The following LRRC28 variants were observed in gnomAD, a reference collection of about 807,000 sequenced individuals.
The protein encoded by LRRC28 is leucine-rich repeat-containing protein 28.
In LRRC28, 39 loss-of-function variants were observed where a neutral mutation model predicts 45.7. The ratio of observed to expected loss-of-function variants is 0.85; its 90% CI spans 0.66 to 1.12. The LOEUF is 1.12. LRRC28 is among the 50% of genes most tolerant of loss of function. The probability of loss-of-function intolerance (pLI) is 0.00; values close to 1 mark genes in which losing one functional copy is unlikely to be tolerated. For missense variants in LRRC28, 435 were observed against 438.5 expected (o/e 0.99, Z 0.07); for synonymous variants, 206 against 178.8 (o/e 1.15, Z -1.22).
chr15:99,269,197 A>G (rs1257710239), intron 2 of LRRC28, among the ~76,000 whole-genome samples: 1 of 152,192 alleles, frequency 6.6e-6, no homozygotes, highest in Non-Finnish European at 1.5e-5. Context: ...AAATATTTTC[A>G]TTTACATTTC....
intron 3 of LRRC28, among the ~76,000 whole-genome samples, chr15:99,282,191 T>TTTTTTTTTTTTTTG (rs1327794715): frequency 5.8e-5 from 8 of 138,382 alleles, no homozygotes; most frequent in East Asian, 2.5e-4. Context: ...TTTTTTTTTT[T>TTTTTTTTTTTTTTG]GTAGCAGTAG....
At chr15:99,336,174 C>A (rs182074343) in intron 6 of LRRC28, among the ~76,000 whole-genome samples, 13 of 152,128 alleles carry the variant, frequency 8.5e-5, no homozygotes, top group Non-Finnish European at 1.6e-4. Context: ...ACCGAGTCTT[C>A]GGCCAGGTAC....
rs557994950 is a variant in LRRC28, at chr15:99,291,347, G to A, written c.385+3396G>A. 1.1e-4 allele frequency among the ~76,000 whole-genome samples: 16 copies of A among 152,198 alleles called. No individual in the cohort carries two copies. The South Asian group carries it at 3.3e-3, about 32-fold the overall frequency. ...ACTTTTGATTGAGCCATGTATATAG[G>A]CTTTATTATTTCTTGCCACCATGAG... On this transcript the variant is annotated intron_variant, in intron 5 of 9. Transcript: ENST00000301981.
chr15:99,347,535 A>G (rs1956733202), intron 6 of LRRC28, among the ~76,000 whole-genome samples: 1 of 152,180 alleles, frequency 6.6e-6, no homozygotes. Context: ...AGACTGTGCA[A>G]TATTTTTCTT....
intron 2 of LRRC28, chr15:99,260,035 G>C (rs58786080): frequency 3.5e-6 from 2 of 569,944 alleles, no homozygotes; most frequent in Non-Finnish European, 6.6e-6. Context: ...TACTCTCATC[G>C]TTTGGATCCT....
At position 99,324,713 on chromosome 15, in the gene LRRC28, C is replaced by A. The variant is rs920805402; in HGVS notation, c.386-9210C>A. 2.0e-5 allele frequency among the ~76,000 whole-genome samples: 3 copies of A among 152,046 alleles called. No individual in the cohort carries two copies. In the East Asian group the frequency reaches 5.8e-4, roughly 29 times the overall value. ...TACTCTATAAGTAGCTGAAAAGTTT[C>A]AAGGTATTGTGTATTTAGCACAAAA... On this transcript the variant is annotated intron_variant, in intron 5 of 9. Coordinates refer to ENST00000301981, the MANE Select transcript of LRRC28 (RefSeq NM_144598.5).
At chr15:99,316,390 C>T (rs1198845643) in intron 5 of LRRC28, among the ~76,000 whole-genome samples, 1 of 152,066 alleles carries the variant, frequency 6.6e-6, no homozygotes, top group Non-Finnish European at 1.5e-5. Context: ...CTATCTGGCC[C>T]TTTTCTTGTG....
chr15:99,361,241 A>C (rs776189518), intron 7 of LRRC28, 95 bp from the exon 8 acceptor site: 3 of 1,416,792 alleles, frequency 2.1e-6, no homozygotes, highest in Non-Finnish European at 2.8e-6. Flanking sequence ...CAGTGTCATA[A>C]ATTTTCAAAT....
chr15:99,336,206 T>C (rs1053242136), intron 6 of LRRC28, among the ~76,000 whole-genome samples: 1 of 152,230 alleles, frequency 6.6e-6, no homozygotes, highest in Non-Finnish European at 1.5e-5. Flanking sequence ...GCTATACATA[T>C]GCTCACTAAT....
In LRRC28 at chr15:99,388,438, G is replaced by A. The variant is rs1482097622; in HGVS notation, c.*2336G>A. 6.6e-6 allele frequency: 1 copy of A among 152,258 alleles called. No individual in the cohort carries two copies. The highest frequency in any genetic ancestry group is 1.5e-5 in the Non-Finnish European group (1 of 68,054). The allele number at this position is 152,258 out of a possible 1,614,324, so 9.4% of individuals were successfully genotyped here. Reference sequence around the variant, plus strand: ...AACTACGGTGTGTTAAACAACAGCAGTGGGCTGGGCAGACAACCTTTGGGC... The same window carrying A: ...AACTACGGTGTGTTAAACAACAGCAATGGGCTGGGCAGACAACCTTTGGGC... On this transcript the variant is annotated 3_prime_UTR_variant, in exon 10 of 10. Transcript: ENST00000301981.
intron 9 of LRRC28, among the ~76,000 whole-genome samples, chr15:99,380,206 T>C (rs1312996665): frequency 1.2e-4 from 19 of 152,250 alleles, no homozygotes; most frequent in Non-Finnish European, 2.9e-5. Flanking sequence ...ACTTGCTTTA[T>C]GAATCTGGGT....
intron 5 of LRRC28, among the ~76,000 whole-genome samples, chr15:99,322,951 T>C (rs537046872): frequency 6.6e-6 from 1 of 152,226 alleles, no homozygotes; most frequent in East Asian, 1.9e-4. Flanking sequence ...TTGACCACTT[T>C]GTTGATGCTG....
chr15:99,369,909 G>T (rs548740042), intron 9 of LRRC28, among the ~76,000 whole-genome samples: 1 of 152,324 alleles, frequency 6.6e-6, no homozygotes, highest in African/African-American at 2.4e-5. Context: ...CTTTATTGCT[G>T]TGTTATCTCT....
chr15:99,376,729 G>A (rs1051047883), intron 9 of LRRC28, among the ~76,000 whole-genome samples: 3 of 152,050 alleles, frequency 2.0e-5, no homozygotes, highest in Non-Finnish European at 2.9e-5. Flanking sequence ...GGTGTGTGAT[G>A]TTCCCCTTCC....
chr15:99,304,553 C>T (rs1229386871), intron 5 of LRRC28, among the ~76,000 whole-genome samples: 1 of 152,040 alleles, frequency 6.6e-6, no homozygotes, highest in Non-Finnish European at 1.5e-5. Flanking sequence ...GCCTCAGTCT[C>T]CTGAGTAGCT....
intron 5 of LRRC28, among the ~76,000 whole-genome samples, chr15:99,333,348 G>A (rs574109425): frequency 6.6e-6 from 1 of 152,120 alleles, no homozygotes; most frequent in South Asian, 2.1e-4. Flanking sequence ...AAAAGGTGCC[G>A]CATGCCTAAA....
At chr15:99,289,660 G>A (rs8029885) in intron 5 of LRRC28, among the ~76,000 whole-genome samples, 14,941 of 152,084 alleles carry the variant, frequency 0.098, 1,001 homozygotes, top group East Asian at 0.32. Context: ...CAGGCCGGGC[G>A]CGGTGGCTCA....
intron 1 of LRRC28, among the ~76,000 whole-genome samples, chr15:99,255,349 C>G (rs1597137996): frequency 6.7e-6 from 1 of 149,332 alleles, no homozygotes; most frequent in East Asian, 2.1e-4. Context: ...AGAGTGAGAC[C>G]CTGTCTCTAA....
intron 5 of LRRC28, among the ~76,000 whole-genome samples, chr15:99,316,041 G>C (rs956228894): frequency 1.3e-5 from 2 of 152,150 alleles, no homozygotes; most frequent in Admixed American, 1.3e-4. Flanking sequence ...AACAACTTTT[G>C]TGTGCTATTA....
Sources: gnomAD v4.1 joint callset for allele counts (sites outside exome capture counted in the v4.1 genomes callset) on GRCh38, gnomAD v4.1.1 for gene constraint, MANE v1.5 for transcripts, NCBI Gene and HGNC (gene_info 2026-07-23, HGNC 2026-07-21) for gene names.